Variants in TEX9 observed in about 807,000 individuals in gnomAD.
TEX9 encodes testis expressed 9.
In TEX9, 74 loss-of-function variants were observed where a neutral mutation model predicts 59.6. The observed-to-expected ratio is 1.24, with a 90% CI of 1.03 to 1.51. The LOEUF is 1.51. TEX9 is among the 40% of genes most tolerant of loss of function. The pLI is 0.00. For missense variants in TEX9, 522 were observed against 447.8 expected, an observed-to-expected ratio of 1.17 and a Z score of -1.49; for synonymous variants, 186 against 152.2, an observed-to-expected ratio of 1.22 and a Z score of -1.64.
chr15:56,443,387 ATTC>A, intron 12 of TEX9: 1 of 1,389,484 alleles, frequency 7.2e-7, no homozygotes, highest in East Asian at 2.4e-5. Flanking sequence ...TCAAAATTAT[ATTC>A]TTCTCTACAT....
chr15:56,445,242 A>G (rs920631211), intron 12 of TEX9, among the ~76,000 whole-genome samples: 6 of 151,920 alleles, frequency 3.9e-5, no homozygotes, highest in African/African-American at 9.7e-5. Flanking sequence ...TACTGTGCCT[A>G]TTTTCTACAG....
At chr15:56,263,574 CA>C (rs1356496715) in intron 1 of TEX9, among the ~76,000 whole-genome samples, 9 of 152,066 alleles carry the variant, frequency 5.9e-5, no homozygotes, top group African/African-American at 1.7e-4. Context: ...AACTTCCATA[CA>C]GTAAAGTTCA....
At chr15:56,369,518 A>G (rs1205273347) in intron 2 of TEX9, among the ~76,000 whole-genome samples, 1 of 151,796 alleles carries the variant, frequency 6.6e-6, no homozygotes, top group Non-Finnish European at 1.5e-5. Context: ...TATTTTTTGT[A>G]GTGATGGGGT....
chr15:56,376,747 T>G (rs2047472665), intron 3 of TEX9, among the ~76,000 whole-genome samples: 1 of 152,174 alleles, frequency 6.6e-6, no homozygotes, highest in Non-Finnish European at 1.5e-5. Flanking sequence ...CAGAAGCTTT[T>G]TAACTTTATG....
chr15:56,251,666 AAGAGGAGCTC>A (rs1219051704), intron 1 of TEX9, among the ~76,000 whole-genome samples: 1 of 152,176 alleles, frequency 6.6e-6, no homozygotes. Flanking sequence ...AAACTGTGTG[AAGAGGAGCTC>A]AGAGGGCTTA....
At chr15:56,414,780 A>G (rs1482380697) in intron 10 of TEX9, among the ~76,000 whole-genome samples, 1 of 151,784 alleles carries the variant, frequency 6.6e-6, no homozygotes, top group African/African-American at 2.4e-5. Context: ...GCTGGGTCCA[A>G]TGGTAGTTCT....
chr15:56,314,736 T>C (rs1302395148), intron 1 of TEX9, among the ~76,000 whole-genome samples: 1 of 151,392 alleles, frequency 6.6e-6, no homozygotes, highest in Non-Finnish European at 1.5e-5. Context: ...ATCTGTCTAA[T>C]GTTGACAGTG....
At chr15:56,393,833 G>C (rs2142318549) in intron 7 of TEX9, 1 of 176,720 alleles carries the variant, frequency 5.7e-6, no homozygotes, top group Non-Finnish European at 1.2e-5. Context: ...TGCTAGAGAA[G>C]ATTTATGTTT....
chr15:56,419,755 G>A (rs1299527579), intron 10 of TEX9, among the ~76,000 whole-genome samples: 2 of 151,674 alleles, frequency 1.3e-5, no homozygotes, highest in Non-Finnish European at 2.9e-5. Flanking sequence ...TTTTGGTTTT[G>A]GTTTCAGGGT....
At chr15:56,388,478 G>C (rs1206412781) in exon 5 of TEX9, 2 of 1,611,068 alleles carry the variant, frequency 1.2e-6, no homozygotes, top group Non-Finnish European at 8.5e-7. Context: ...GTAGAGGTCT[G>C]TTACCATCTG....
chr15:56,333,445 A>G (rs2046196517), intron 1 of TEX9, among the ~76,000 whole-genome samples: 2 of 149,814 alleles, frequency 1.3e-5, no homozygotes, highest in Admixed American at 1.3e-4. Context: ...TTGCTGGAAA[A>G]GCATTTGATG....
chr15:56,321,968 G>A (rs1356175236), intron 1 of TEX9, among the ~76,000 whole-genome samples: 5 of 151,934 alleles, frequency 3.3e-5, no homozygotes, highest in Non-Finnish European at 7.4e-5. Context: ...GAGTTCTGAG[G>A]AATGATCACA....
At chr15:56,315,019 C>G (rs1378014152) in intron 1 of TEX9, among the ~76,000 whole-genome samples, 19 of 151,190 alleles carry the variant, frequency 1.3e-4, no homozygotes, top group South Asian at 4.2e-4. Context: ...CTTCCTCCAT[C>G]CTTTTATTTT....
intron 1 of TEX9, among the ~76,000 whole-genome samples, chr15:56,315,128 T>C (rs1227002376): frequency 6.7e-6 from 1 of 150,242 alleles, no homozygotes; most frequent in East Asian, 1.9e-4. Flanking sequence ...TGTCTTTTAA[T>C]TGGAGAATTT....
chr15:56,256,809 C>T (rs183534926), intron 1 of TEX9, among the ~76,000 whole-genome samples: 2 of 151,944 alleles, frequency 1.3e-5, no homozygotes, highest in African/African-American at 4.8e-5. Flanking sequence ...GGGGTACATG[C>T]GCAAGATATA....
intron 1 of TEX9, among the ~76,000 whole-genome samples, chr15:56,302,301 A>C (rs915266266): frequency 6.7e-6 from 1 of 149,244 alleles, no homozygotes; most frequent in Non-Finnish European, 1.5e-5. Context: ...CAGCCTGGGC[A>C]ACAGAGCAAG....
chr15:56,389,458 T>C, intron 6 of TEX9, 58 bp downstream of exon 6: 4 of 1,216,586 alleles, frequency 3.3e-6, no homozygotes, highest in Non-Finnish European at 4.7e-6. Flanking sequence ...CACAATACCA[T>C]CATTCTTAAT....
chr15:56,355,561 T>C (rs2046668686), intron 1 of TEX9, among the ~76,000 whole-genome samples: 1 of 152,140 alleles, frequency 6.6e-6, no homozygotes, highest in Non-Finnish European at 1.5e-5. Flanking sequence ...ACATTGCTAT[T>C]CTTATTCTTT....
intron 1 of TEX9, among the ~76,000 whole-genome samples, chr15:56,309,982 C>T (rs2045572357): frequency 1.3e-5 from 2 of 152,088 alleles, no homozygotes; most frequent in African/African-American, 4.8e-5. Context: ...CAAACTTAGG[C>T]TCCTGCCCTC....
Sources: gnomAD v4.1 joint callset for allele counts (sites outside exome capture counted in the v4.1 genomes callset) on GRCh38, gnomAD v4.1.1 for gene constraint, MANE v1.5 for transcripts, NCBI Gene and HGNC (gene_info 2026-07-23, HGNC 2026-07-21) for gene names.